Variants in NALF1 observed in about 807,000 individuals in gnomAD.
NALF1 encodes the protein family with sequence similarity 155 member A.
NALF1 carries 3 observed loss-of-function variants against 48.4 expected under a neutral mutation model. The ratio of observed to expected loss-of-function variants is 0.06; its 90% CI spans 0.03 to 0.16. NALF1 has a LOEUF of 0.16. Among genes scored for constraint, NALF1 ranks in the 10% least tolerant of loss-of-function variants. NALF1 has a pLI of 1.00. For synonymous variants in NALF1, 262 were observed against 245.7 expected, an observed-to-expected ratio of 1.07 and a Z score of -0.62; for missense variants, 526 against 571.5, an observed-to-expected ratio of 0.92 and a Z score of 0.81.
At chr13:107,688,379 ACT>A (rs2138502133) in intron 1 of NALF1, among the ~76,000 whole-genome samples, 1 of 152,310 alleles carries the variant, frequency 6.6e-6, no homozygotes, top group Non-Finnish European at 1.5e-5. Flanking sequence ...GTAGGATTTT[ACT>A]CTGAGTACTG....
Position 107,797,362 on chromosome 13 carries a change from T to A in NALF1, c.915+68320A>T, listed in dbSNP as rs573858319. Among the ~76,000 whole-genome samples, 12 of 152,122 alleles carry A rather than the reference T, an allele frequency of 7.9e-5. No individual in the cohort carries two copies. In the South Asian group the frequency reaches 2.5e-3, roughly 32 times the overall value. Reference sequence around the variant, plus strand: ...CTGGGAATACAGGCGCCCACCACCATGCCCGGCTAATTTTTTTTTCGTATT... The same window carrying A: ...CTGGGAATACAGGCGCCCACCACCAAGCCCGGCTAATTTTTTTTTCGTATT... On this transcript the variant is annotated intron_variant, in intron 1 of 2. Coordinates refer to ENST00000375915, the MANE Select transcript of NALF1 (RefSeq NM_001080396.3).
At chr13:107,796,470 A>T (rs187638125) in intron 1 of NALF1, among the ~76,000 whole-genome samples, 1 of 152,150 alleles carries the variant, frequency 6.6e-6, no homozygotes, top group Admixed American at 6.6e-5. Context: ...AATGATTGAG[A>T]TGTATTTAAT....
intron 1 of NALF1, among the ~76,000 whole-genome samples, chr13:107,499,782 T>C (rs1048936450): frequency 1.3e-5 from 2 of 152,208 alleles, no homozygotes; most frequent in Non-Finnish European, 2.9e-5. Flanking sequence ...TACATTTCTT[T>C]TATGAGTACG....
In NALF1 at chr13:107,168,036, G is replaced by C. The variant is rs1878702827; in HGVS notation, c.*2461C>G. ...ATAAAAGTGAGTGGAATTTGCACTT[G>C]CATTGTCATTTTCCTGCAAGAATGG... is the stretch of plus-strand genomic sequence containing the variant. On this transcript the variant is annotated 3_prime_UTR_variant, in exon 3 of 3. Transcript: ENST00000375915. 1 of 152,280 alleles carries C rather than the reference G, an allele frequency of 6.6e-6. No individual in the cohort carries two copies. Among genetic ancestry groups the C allele is most frequent in the Non-Finnish European group, 1.5e-5 (1 of 68,052 alleles). The allele number at this position is 152,280 out of a possible 1,614,324, so 9.4% of individuals were successfully genotyped here. A position where few individuals can be genotyped will look rare whatever the true frequency, so the allele number is the denominator to read the frequency against.
intron 2 of NALF1, among the ~76,000 whole-genome samples, chr13:107,191,283 G>C (rs1879273353): frequency 1.3e-5 from 2 of 151,858 alleles, no homozygotes; most frequent in South Asian, 4.2e-4. Flanking sequence ...AAATGAGTTT[G>C]AAATGATAAA....
At chr13:107,516,524 C>G (rs557837380) in intron 1 of NALF1, among the ~76,000 whole-genome samples, 1 of 152,264 alleles carries the variant, frequency 6.6e-6, no homozygotes, top group South Asian at 2.1e-4. Flanking sequence ...ATGTATGCTG[C>G]TTTCACGACA....
intron 1 of NALF1, among the ~76,000 whole-genome samples, chr13:107,859,653 A>T (rs1391088303): frequency 6.6e-6 from 1 of 152,174 alleles, no homozygotes; most frequent in Non-Finnish European, 1.5e-5. Flanking sequence ...CTGTAATCTC[A>T]GCAATTTAGA....
intron 1 of NALF1, among the ~76,000 whole-genome samples, chr13:107,823,863 C>T (rs993247015): frequency 2.0e-5 from 3 of 152,104 alleles, no homozygotes; most frequent in Admixed American, 6.5e-5. Flanking sequence ...CTGCACAATG[C>T]GGATAATAGT....
chr13:107,487,061 T>C (rs1234433886), intron 1 of NALF1, among the ~76,000 whole-genome samples: 16 of 152,276 alleles, frequency 1.1e-4, no homozygotes, highest in Admixed American at 6.5e-4. Context: ...GTGCAGCTTC[T>C]GTCTGTGTGT....
At chr13:107,553,373 G>A (rs773755091) in intron 1 of NALF1, among the ~76,000 whole-genome samples, 16 of 152,190 alleles carry the variant, frequency 1.1e-4, no homozygotes, top group South Asian at 4.1e-4. Context: ...GACCCGTTCC[G>A]TATTAGACTC....
At chr13:107,409,834 C>T (rs1883959156) in intron 1 of NALF1, among the ~76,000 whole-genome samples, 1 of 152,162 alleles carries the variant, frequency 6.6e-6, no homozygotes. Context: ...CACCATACAG[C>T]TAGACTAGGG....
At chr13:107,367,116 A>G (rs1480490503) in intron 1 of NALF1, among the ~76,000 whole-genome samples, 1 of 152,234 alleles carries the variant, frequency 6.6e-6, no homozygotes, top group Non-Finnish European at 1.5e-5. Flanking sequence ...TAAGGCAAGG[A>G]AAGAAACACT....
rs570911729 is a variant in NALF1 at position 107,414,051 on chromosome 13, C to T, written c.916-203296G>A. On this transcript the variant is annotated intron_variant, in intron 1 of 2. Coordinates refer to ENST00000375915, the MANE Select transcript of NALF1 (RefSeq NM_001080396.3). The stretch of plus-strand genomic sequence containing the variant: ...CTCAGCCCACCTTGGCCTCTGGCCT[C>T]CCAAAGTGCTGGGATTAGAGGCGTG... 1.2e-3 allele frequency among the ~76,000 whole-genome samples: 187 copies of T among 152,286 alleles called. 1 individual carries two copies. The highest frequency in any genetic ancestry group is 4.3e-3 in the African/African-American group (177 of 41,568).
At chr13:107,478,690 C>T (rs1013735306) in intron 1 of NALF1, among the ~76,000 whole-genome samples, 1 of 152,046 alleles carries the variant, frequency 6.6e-6, no homozygotes, top group African/African-American at 2.4e-5. Context: ...CTGTGCTGTA[C>T]TTAATCGCTG....
chr13:107,445,248 C>A (rs1369515535), intron 1 of NALF1, among the ~76,000 whole-genome samples: 1 of 152,166 alleles, frequency 6.6e-6, no homozygotes, highest in Non-Finnish European at 1.5e-5. Flanking sequence ...CCACCCTCTG[C>A]CCTCTCTCCG....
chr13:107,422,426 T>C (rs556614767), intron 1 of NALF1, among the ~76,000 whole-genome samples: 1 of 152,256 alleles, frequency 6.6e-6, no homozygotes, highest in Non-Finnish European at 1.5e-5. Flanking sequence ...TAGAGTTTCA[T>C]AAAATAGAGT....
intron 1 of NALF1, among the ~76,000 whole-genome samples, chr13:107,727,674 G>C (rs1005944781): frequency 2.6e-5 from 4 of 152,092 alleles, no homozygotes; most frequent in African/African-American, 7.2e-5. Context: ...CCAAAATTGA[G>C]AAATGAAATC....
chr13:107,588,051 C>T (rs924484949), intron 1 of NALF1, among the ~76,000 whole-genome samples: 1 of 152,042 alleles, frequency 6.6e-6, no homozygotes, highest in African/African-American at 2.4e-5. Context: ...TTTAATGAAC[C>T]CACCATTGTC....
intron 1 of NALF1, among the ~76,000 whole-genome samples, chr13:107,753,025 AAAT>A: frequency 6.6e-6 from 1 of 152,306 alleles, no homozygotes; most frequent in East Asian, 1.9e-4. Flanking sequence ...TTAGTAACAT[AAAT>A]ATATGCACTG....
Sources: gnomAD v4.1 joint callset for allele counts (sites outside exome capture counted in the v4.1 genomes callset) on GRCh38, gnomAD v4.1.1 for gene constraint, MANE v1.5 for transcripts, NCBI Gene and HGNC (gene_info 2026-07-23, HGNC 2026-07-21) for gene names.